The following EYA1 variants were observed in gnomAD, a reference collection of about 807,000 sequenced individuals.
EYA1 encodes EYA transcriptional coactivator and phosphatase 1.
In EYA1, 16 loss-of-function variants were observed where a neutral mutation model predicts 82.0. The ratio of observed to expected loss-of-function variants is 0.20; its 90% CI spans 0.13 to 0.30. The LOEUF is 0.30. Ranked by LOEUF, EYA1 falls within the 10% of genes least tolerant of loss-of-function variation. The pLI is 1.00. For synonymous variants in EYA1, 261 were observed against 264.4 expected, an observed-to-expected ratio of 0.99 and a Z score of 0.12; for missense variants, 633 against 730.7, an observed-to-expected ratio of 0.87 and a Z score of 1.54.
chr8:71,326,853 T>C lies in EYA1; in HGVS notation c.203-4585A>G, dbSNP rs906109361. Among the ~76,000 whole-genome samples the C allele has an allele frequency of 2.6e-4, 40 of 152,118 alleles. 1 individual carries two copies. The highest frequency in any genetic ancestry group is 1.5e-5 in the Non-Finnish European group (1 of 68,020). ...TGTTTCCATGTCACCATTCACCCCATAAAGCACCTTCCATGCATCAAACAG... is the reference window on the plus strand; with the variant it reads ...TGTTTCCATGTCACCATTCACCCCACAAAGCACCTTCCATGCATCAAACAG... On this transcript the variant is annotated intron_variant, in intron 4 of 17. Coordinates refer to ENST00000340726, the MANE Select transcript of EYA1 (RefSeq NM_000503.6).
chr8:71,436,519 T>G (rs1226994257), intron 2 of EYA1, among the ~76,000 whole-genome samples: 3 of 152,150 alleles, frequency 2.0e-5, no homozygotes, highest in African/African-American at 7.2e-5. Flanking sequence ...AAAAATTGAT[T>G]GTGTCCCTAT....
intron 2 of EYA1, among the ~76,000 whole-genome samples, chr8:71,535,119 C>T (rs1814612694): frequency 6.6e-6 from 1 of 152,048 alleles, no homozygotes; most frequent in Non-Finnish European, 1.5e-5. Flanking sequence ...TTCTAAATAA[C>T]TCAAAGGTTA....
Position 71,216,734 on chromosome 8 carries a change from G to A in EYA1, c.1318C>T (p.Arg440Trp), listed in dbSNP as rs376931849. 24 of 1,612,862 alleles carry A rather than the reference G, an allele frequency of 1.5e-5. No homozygotes were observed. Among genetic ancestry groups the A allele is most frequent in the Middle Eastern group, 1.6e-4 (1 of 6,062 alleles). ...TAGGTGTTGTAGATCTCTTTTACCC[G>A]TCTGTAGCGGAAGGCCAACTTTCTC... ...WMRKLAFRYR[R>W]VKEIYNTYKN... Residue 440 changes from arginine (R) to tryptophan (W), a missense_variant, in exon 14 of 18, where the codon CGG (arginine) becomes TGG (tryptophan). By Grantham distance (101) the Arg-to-Trp change is moderately radical (BLOSUM62 -3). Transcript: ENST00000340726.
upstream of EYA1, among the ~76,000 whole-genome samples, chr8:71,364,476 A>G (rs1340018124): frequency 1.3e-5 from 2 of 152,064 alleles, no homozygotes; most frequent in African/African-American, 2.4e-5. Flanking sequence ...AATCTTCACC[A>G]ACTATAACTA....
intron 2 of EYA1, among the ~76,000 whole-genome samples, chr8:71,480,928 A>C (rs1810096051): frequency 6.6e-6 from 1 of 152,142 alleles, no homozygotes; most frequent in Admixed American, 6.5e-5. Flanking sequence ...GTGGTCAATA[A>C]AATTAGAATT....
chr8:71,237,922 A>G (rs981763255), intron 12 of EYA1, among the ~76,000 whole-genome samples: 3 of 152,178 alleles, frequency 2.0e-5, no homozygotes, highest in Admixed American at 6.5e-5. Flanking sequence ...AAGAAACAAA[A>G]TATGATGGAT....
intron 2 of EYA1, among the ~76,000 whole-genome samples, chr8:71,450,622 G>T (rs776163908): frequency 2.0e-5 from 3 of 152,164 alleles, no homozygotes; most frequent in Non-Finnish European, 4.4e-5. Context: ...AAACACAAAG[G>T]GAGCATGTGC....
intron 9 of EYA1, among the ~76,000 whole-genome samples, chr8:71,278,798 G>A (rs1044426412): frequency 1.3e-5 from 2 of 152,130 alleles, no homozygotes; most frequent in Non-Finnish European, 2.9e-5. Context: ...AAGGGTAGTA[G>A]GGGATTTCTG....
intron 10 of EYA1, among the ~76,000 whole-genome samples, chr8:71,271,057 C>T (rs1816468989): frequency 6.6e-6 from 1 of 152,140 alleles, no homozygotes; most frequent in Non-Finnish European, 1.5e-5. Flanking sequence ...TTGCAGTGAG[C>T]CGAGATCACG....
chr8:71,545,661 A>G (rs1304586501), intron 1 of EYA1, among the ~76,000 whole-genome samples: 1 of 141,392 alleles, frequency 7.1e-6, no homozygotes, highest in Non-Finnish European at 1.5e-5. Flanking sequence ...TCCCCGGTTC[A>G]CGCCATTCTC....
chr8:71,253,611 A>C (rs1000092888), intron 11 of EYA1, among the ~76,000 whole-genome samples: 1 of 152,202 alleles, frequency 6.6e-6, no homozygotes, highest in Admixed American at 6.5e-5. Flanking sequence ...AATGTCCTCA[A>C]GTAGGATAGC....
intron 9 of EYA1, among the ~76,000 whole-genome samples, chr8:71,287,090 C>T (rs1586187998): frequency 1.3e-5 from 2 of 151,964 alleles, no homozygotes; most frequent in African/African-American, 4.8e-5. Flanking sequence ...GTGAGACACC[C>T]CGCTTGGCCT....
intron 2 of EYA1, among the ~76,000 whole-genome samples, chr8:71,531,703 A>G (rs1814294158): frequency 6.6e-6 from 1 of 152,128 alleles, no homozygotes; most frequent in Non-Finnish European, 1.5e-5. Context: ...CAGCAGTTCC[A>G]CTGCCATGGC....
intron 2 of EYA1, among the ~76,000 whole-genome samples, chr8:71,383,338 C>G (rs993908509): frequency 6.6e-6 from 1 of 152,062 alleles, no homozygotes; most frequent in African/African-American, 2.4e-5. Flanking sequence ...GATATATCCT[C>G]TAGAGAAACT....
chr8:71,350,669 G>C (rs1470099811), intron 3 of EYA1, among the ~76,000 whole-genome samples: 1 of 152,064 alleles, frequency 6.6e-6, no homozygotes, highest in Non-Finnish European at 1.5e-5. Context: ...TCTTGAGTTT[G>C]AGTCTAAGCT....
At chr8:71,411,075 G>C (rs1245358961) in intron 2 of EYA1, among the ~76,000 whole-genome samples, 6 of 4,662 alleles carry the variant, frequency 1.3e-3, no homozygotes, top group African/African-American at 6.0e-3. Flanking sequence ...AAATAACGCC[G>C]CATACCTACA....
At chr8:71,357,075 T>C (rs1826960024) in intron 1 of EYA1, among the ~76,000 whole-genome samples, 1 of 152,226 alleles carries the variant, frequency 6.6e-6, no homozygotes, top group Non-Finnish European at 1.5e-5. Flanking sequence ...TCTGGGCAAC[T>C]TCCTGACAAT....
intron 2 of EYA1, among the ~76,000 whole-genome samples, chr8:71,519,672 A>T (rs1175130921): frequency 6.6e-6 from 1 of 152,068 alleles, no homozygotes; most frequent in African/African-American, 2.4e-5. Flanking sequence ...ATGGCAAAAA[A>T]AAAAAAAAAA....
intron 3 of EYA1, among the ~76,000 whole-genome samples, chr8:71,354,300 T>C (rs1826621544): frequency 6.6e-6 from 1 of 152,152 alleles, no homozygotes; most frequent in Admixed American, 6.6e-5. Context: ...AGCCAAAGCC[T>C]TAAGAACACT....
Sources: gnomAD v4.1 joint callset for allele counts (sites outside exome capture counted in the v4.1 genomes callset) on GRCh38, gnomAD v4.1.1 for gene constraint, MANE v1.5 for transcripts, NCBI Gene and HGNC (gene_info 2026-07-23, HGNC 2026-07-21) for gene names.